PHACTR1: variants seen among roughly 807,000 people sequenced by gnomAD.
The protein encoded by PHACTR1 is RPEL repeat containing 1.
A neutral mutation model predicts 69.2 loss-of-function variants in PHACTR1; 16 were observed. The ratio of observed to expected loss-of-function variants is 0.23; its 90% CI spans 0.16 to 0.35. PHACTR1 has a LOEUF of 0.35. Ranked by LOEUF, PHACTR1 falls within the 10% of genes least tolerant of loss-of-function variation. The probability of loss-of-function intolerance (pLI) is 1.00; values close to 1 mark genes in which losing one functional copy is unlikely to be tolerated. For synonymous variants in PHACTR1, 312 were observed against 284.5 expected (o/e 1.10, Z -0.97); for missense variants, 510 against 734.7 (o/e 0.69, Z 3.54).
chr6:13,098,716 A>G (rs575032764), intron 5 of PHACTR1, among the ~76,000 whole-genome samples: 28 of 152,262 alleles, frequency 1.8e-4, no homozygotes, highest in Non-Finnish European at 1.5e-4. Flanking sequence ...CTCATTGTCT[A>G]CCACCTCTCA....
At chr6:13,114,531 A>G (rs1469962563) in intron 5 of PHACTR1, among the ~76,000 whole-genome samples, 1 of 152,224 alleles carries the variant, frequency 6.6e-6, no homozygotes, top group Non-Finnish European at 1.5e-5. Flanking sequence ...ATACCATGTG[A>G]TAAGTTAAAT....
At chr6:12,938,240 T>C (rs1789677247) in intron 4 of PHACTR1, among the ~76,000 whole-genome samples, 1 of 152,212 alleles carries the variant, frequency 6.6e-6, no homozygotes, top group African/African-American at 2.4e-5. Context: ...TTTCCTGTCC[T>C]ACTGTTTTTC....
At chr6:13,229,844 A>G (rs768777925) in intron 9 of PHACTR1, among the ~76,000 whole-genome samples, 193 bp from the exon 10 acceptor site, 1 of 152,172 alleles carries the variant, frequency 6.6e-6, no homozygotes, top group African/African-American at 2.4e-5. Flanking sequence ...TGTGCTGTCC[A>G]TGTGCCCCAC....
chr6:12,888,504 T>C (rs1434828156), intron 4 of PHACTR1, among the ~76,000 whole-genome samples: 1 of 152,248 alleles, frequency 6.6e-6, no homozygotes, highest in East Asian at 1.9e-4. Context: ...AGTATACCTA[T>C]GTTAGCATTT....
chr6:12,830,423 A>G (rs992698282), intron 4 of PHACTR1, among the ~76,000 whole-genome samples: 26 of 151,872 alleles, frequency 1.7e-4, no homozygotes, highest in African/African-American at 6.0e-4. Context: ...ATTTAAGCTC[A>G]CCTTGATGAA....
chr6:12,896,036 G>A (rs929342186), intron 4 of PHACTR1, among the ~76,000 whole-genome samples: 1 of 152,208 alleles, frequency 6.6e-6, no homozygotes, highest in Non-Finnish European at 1.5e-5. Context: ...CAGATCCAGT[G>A]CTGCAAGTTC....
intron 8 of PHACTR1, among the ~76,000 whole-genome samples, chr6:13,221,991 C>T (rs893531077): frequency 9.9e-5 from 15 of 151,438 alleles, no homozygotes; most frequent in Non-Finnish European, 2.2e-4. Context: ...GCCGAGATCA[C>T]GCCACTGCAC....
In PHACTR1 at chr6:13,233,352, G is replaced by A. The variant is rs1003056429; in HGVS notation, c.1391+3159G>A. On this transcript the variant is annotated intron_variant, in intron 10 of 14. Transcript: ENST00000332995. ...CCCCTTATAAGGACATCCACTGAAG[G>A]TTTACCATAGTATACATTGTTCCCA... is the stretch of plus-strand genomic sequence containing the variant. 9.8e-5 allele frequency among the ~76,000 whole-genome samples: 15 copies of A among 152,372 alleles called. No individual in the cohort carries two copies. In the East Asian group the frequency reaches 2.3e-3, roughly 23 times the overall value.
At chr6:13,075,711 A>T (rs1810350608) in intron 5 of PHACTR1, among the ~76,000 whole-genome samples, 1 of 152,162 alleles carries the variant, frequency 6.6e-6, no homozygotes, top group South Asian at 2.1e-4. Flanking sequence ...CCTTCCAGGC[A>T]TGCTGAATGT....
chr6:12,826,996 C>T (rs1018805913), intron 4 of PHACTR1, among the ~76,000 whole-genome samples: 7 of 152,152 alleles, frequency 4.6e-5, no homozygotes, highest in African/African-American at 1.7e-4. Flanking sequence ...ACCCACTTTC[C>T]CTCACTTGTT....
chr6:12,856,651 G>A (rs1446043564), intron 4 of PHACTR1, among the ~76,000 whole-genome samples: 2 of 152,084 alleles, frequency 1.3e-5, no homozygotes, highest in Non-Finnish European at 1.5e-5. Context: ...TGATTACAGC[G>A]AATCCCACTT....
At chr6:13,204,690 C>T (rs1407240076) in intron 7 of PHACTR1, among the ~76,000 whole-genome samples, 1 of 152,222 alleles carries the variant, frequency 6.6e-6, no homozygotes, top group Non-Finnish European at 1.5e-5. Context: ...GTAGCCCACA[C>T]TTGAGTGGGC....
At chr6:13,286,985 T>C (rs1781816083) in intron 14 of PHACTR1, 78 bp from the exon 15 acceptor site, 1 of 1,494,764 alleles carries the variant, frequency 6.7e-7, no homozygotes, top group Admixed American at 1.9e-5. Context: ...AGAACCTCCC[T>C]GAAGATGGGA....
chr6:12,879,882 G>A (rs761627749), intron 4 of PHACTR1, among the ~76,000 whole-genome samples: 12 of 152,022 alleles, frequency 7.9e-5, no homozygotes, highest in Non-Finnish European at 1.5e-4. Flanking sequence ...TTCTACTCTC[G>A]TATGGGCACT....
intron 5 of PHACTR1, among the ~76,000 whole-genome samples, chr6:13,135,207 C>T (rs1164918382): frequency 6.6e-6 from 1 of 152,196 alleles, no homozygotes; most frequent in Non-Finnish European, 1.5e-5. Flanking sequence ...CCACAAGAAA[C>T]CCCTGCCTGC....
At chr6:12,862,694 A>G (rs1781060925) in intron 4 of PHACTR1, among the ~76,000 whole-genome samples, 1 of 152,190 alleles carries the variant, frequency 6.6e-6, no homozygotes, top group Non-Finnish European at 1.5e-5. Context: ...GTCTAGAACA[A>G]GGAATAAAGG....
chr6:12,930,730 C>T (rs888026522), intron 4 of PHACTR1, among the ~76,000 whole-genome samples: 4 of 152,102 alleles, frequency 2.6e-5, no homozygotes, highest in East Asian at 1.9e-4. Flanking sequence ...TGAATCTAGA[C>T]GTTTCAGCTG....
intron 4 of PHACTR1, among the ~76,000 whole-genome samples, chr6:12,928,073 C>A (rs1449592666): frequency 1.3e-5 from 2 of 152,106 alleles, no homozygotes; most frequent in East Asian, 3.9e-4. Flanking sequence ...GCCCCTCTGT[C>A]GACTCAGACT....
intron 10 of PHACTR1, 132 bp downstream of exon 10, chr6:13,230,325 G>A: frequency 2.0e-6 from 3 of 1,504,438 alleles, no homozygotes; most frequent in Non-Finnish European, 2.7e-6. Context: ...GCCGAGGCAG[G>A]TGGATCACAT....
Sources: gnomAD v4.1 joint callset for allele counts (sites outside exome capture counted in the v4.1 genomes callset) on GRCh38, gnomAD v4.1.1 for gene constraint, MANE v1.5 for transcripts, NCBI Gene and HGNC (gene_info 2026-07-23, HGNC 2026-07-21) for gene names.